The following SEMA3E variants were observed in gnomAD, a reference collection of about 807,000 sequenced individuals.
The protein encoded by SEMA3E is semaphorin-3E.
SEMA3E carries 49 observed loss-of-function variants against 93.6 expected under a neutral mutation model. The ratio of observed to expected loss-of-function variants is 0.52; its 90% confidence interval spans 0.42 to 0.66. The LOEUF (loss-of-function observed/expected upper bound fraction) is 0.66, where lower values mean the gene tolerates loss of function less well. Ranked by LOEUF, SEMA3E falls within the 30% of genes least tolerant of loss-of-function variation. SEMA3E has a pLI of 0.00. For missense variants in SEMA3E, 906 were observed against 964.8 expected (o/e 0.94, Z 0.81); for synonymous variants, 363 against 330.7 (o/e 1.10, Z -1.06).
chr7:83,584,796 A>C (rs1792586909), intron 1 of SEMA3E, among the ~76,000 whole-genome samples: 1 of 152,112 alleles, frequency 6.6e-6, no homozygotes. Context: ...TTGACAGATA[A>C]TTTGATGTTC....
At chr7:83,498,239 G>A (rs933294744) in intron 1 of SEMA3E, among the ~76,000 whole-genome samples, 23 of 152,066 alleles carry the variant, frequency 1.5e-4, no homozygotes, top group Non-Finnish European at 1.0e-4. Flanking sequence ...GGATTCAAAG[G>A]TTATATATAC....
At chr7:83,613,826 C>T (rs886239352) in intron 1 of SEMA3E, among the ~76,000 whole-genome samples, 5 of 152,030 alleles carry the variant, frequency 3.3e-5, no homozygotes, top group Admixed American at 6.6e-5. Context: ...GTTTCCTAGT[C>T]ATCCCTATTA....
At chr7:83,587,999 A>T (rs1792668051) in intron 1 of SEMA3E, among the ~76,000 whole-genome samples, 1 of 152,266 alleles carries the variant, frequency 6.6e-6, no homozygotes, top group Non-Finnish European at 1.5e-5. Flanking sequence ...TTGTGTAAAA[A>T]CTGACAATAT....
At chr7:83,507,640 A>G (rs1240824254) in intron 1 of SEMA3E, among the ~76,000 whole-genome samples, 1 of 151,952 alleles carries the variant, frequency 6.6e-6, no homozygotes, top group Non-Finnish European at 1.5e-5. Flanking sequence ...AAACATGACA[A>G]TTAAAACTGA....
At chr7:83,566,603 C>T (rs770819575) in intron 1 of SEMA3E, among the ~76,000 whole-genome samples, 3 of 152,228 alleles carry the variant, frequency 2.0e-5, no homozygotes, top group Admixed American at 6.5e-5. Context: ...GAAACCTAAA[C>T]GGTAATCTCC....
chr7:83,593,212 T>C (rs1300399496), intron 1 of SEMA3E, among the ~76,000 whole-genome samples: 9 of 151,796 alleles, frequency 5.9e-5, no homozygotes, highest in Non-Finnish European at 1.2e-4. Context: ...TTTGTAATTA[T>C]CTCTGAAACC....
At chr7:83,496,702 T>A (rs1790497357) in intron 1 of SEMA3E, among the ~76,000 whole-genome samples, 3 of 152,102 alleles carry the variant, frequency 2.0e-5, no homozygotes, top group African/African-American at 7.2e-5. Flanking sequence ...TTCTTAGTTT[T>A]AGAGTCACTC....
intron 6 of SEMA3E, 67 bp from the exon 7 acceptor site, chr7:83,407,306 C>G: frequency 1.2e-5 from 15 of 1,294,694 alleles, no homozygotes; most frequent in Non-Finnish European, 1.5e-5. Context: ...CAAGTTATTC[C>G]AATAAATTGT....
intron 1 of SEMA3E, among the ~76,000 whole-genome samples, chr7:83,542,732 CT>C (rs1791562614): frequency 6.6e-6 from 1 of 152,072 alleles, no homozygotes; most frequent in South Asian, 2.1e-4. Flanking sequence ...GTTACTTGGT[CT>C]TATAATCAGC....
At chr7:83,580,558 T>C (rs1449556784) in intron 1 of SEMA3E, among the ~76,000 whole-genome samples, 1 of 152,034 alleles carries the variant, frequency 6.6e-6, no homozygotes, top group Non-Finnish European at 1.5e-5. Context: ...TTAGTGATTA[T>C]TTTCCACTTG....
At chr7:83,493,629 C>T (rs1272818004) in intron 1 of SEMA3E, among the ~76,000 whole-genome samples, 3 of 151,858 alleles carry the variant, frequency 2.0e-5, no homozygotes, top group East Asian at 1.9e-4. Flanking sequence ...TTGAATGCTT[C>T]GGCTACTCTC....
intron 1 of SEMA3E, among the ~76,000 whole-genome samples, chr7:83,513,640 C>G (rs1213312636): frequency 1.3e-5 from 2 of 152,172 alleles, no homozygotes; most frequent in African/African-American, 4.8e-5. Flanking sequence ...AGAATACACA[C>G]ATACAAACAT....
chr7:83,526,302 A>C (rs1584309015), intron 1 of SEMA3E, among the ~76,000 whole-genome samples: 1 of 152,214 alleles, frequency 6.6e-6, no homozygotes, highest in Non-Finnish European at 1.5e-5. Flanking sequence ...CTTGATATTT[A>C]ATATTTATTG....
intron 1 of SEMA3E, among the ~76,000 whole-genome samples, chr7:83,624,566 G>C (rs1198193261): frequency 6.6e-6 from 1 of 151,154 alleles, no homozygotes; most frequent in African/African-American, 2.4e-5. Flanking sequence ...TTTTTGATGG[G>C]GTTGTTTTTT....
At chr7:83,508,237 T>C (rs1790743737) in intron 1 of SEMA3E, among the ~76,000 whole-genome samples, 1 of 151,902 alleles carries the variant, frequency 6.6e-6, no homozygotes, top group African/African-American at 2.4e-5. Flanking sequence ...AACTAAATGA[T>C]TGATTGATGA....
At chr7:83,372,648 A>G (rs1356656823) in intron 16 of SEMA3E, 2 of 169,980 alleles carry the variant, frequency 1.2e-5, no homozygotes, top group East Asian at 3.0e-4. Flanking sequence ...CATGACAATT[A>G]CCATAGAAAT....
intron 4 of SEMA3E, among the ~76,000 whole-genome samples, chr7:83,428,650 A>AT (rs1391812528): frequency 2.4e-4 from 37 of 152,164 alleles, no homozygotes; most frequent in Admixed American, 2.4e-3. Context: ...CCAAAGACTA[A>AT]ATAAACAAGC....
chr7:83,619,924 C>CAGACAGACAGAT (rs1562858182), intron 1 of SEMA3E, among the ~76,000 whole-genome samples: 1 of 143,884 alleles, frequency 7.0e-6, no homozygotes, highest in African/African-American at 2.8e-5. Context: ...GATAGATAGA[C>CAGACAGACAGAT]AGATAGATAG....
intron 1 of SEMA3E, among the ~76,000 whole-genome samples, chr7:83,518,690 G>A (rs1298540971): frequency 2.0e-5 from 3 of 152,070 alleles, no homozygotes; most frequent in African/African-American, 4.8e-5. Context: ...ACCTCAGAAC[G>A]TTAATGGAGG....
Sources: gnomAD v4.1 joint callset for allele counts (sites outside exome capture counted in the v4.1 genomes callset) on GRCh38, gnomAD v4.1.1 for gene constraint, MANE v1.5 for transcripts, NCBI Gene and HGNC (gene_info 2026-07-23, HGNC 2026-07-21) for gene names.